The following SPTLC3 variants were observed in gnomAD, a reference collection of about 807,000 sequenced individuals.
SPTLC3 encodes serine palmitoyltransferase long chain base subunit 3.
A neutral mutation model predicts 59.3 loss-of-function variants in SPTLC3; 36 were observed. That is an observed-to-expected ratio of 0.61 (90% CI 0.47 to 0.80). SPTLC3 has a LOEUF of 0.80. Ranked by LOEUF, SPTLC3 falls within the 30% of genes least tolerant of loss-of-function variation. SPTLC3 has a pLI of 0.00. For missense variants in SPTLC3, 625 were observed against 685.1 expected, an observed-to-expected ratio of 0.91 and a Z score of 0.98; for synonymous variants, 257 against 240.8, an observed-to-expected ratio of 1.07 and a Z score of -0.62.
chr20:13,100,532 C>G (rs1287325231), intron 6 of SPTLC3, among the ~76,000 whole-genome samples: 1 of 152,072 alleles, frequency 6.6e-6, no homozygotes, highest in African/African-American at 2.4e-5. Flanking sequence ...GAGTTCAAGA[C>G]CAGCCTGGGC....
intron 4 of SPTLC3, among the ~76,000 whole-genome samples, chr20:13,083,325 TA>T (rs1165071212): frequency 6.6e-6 from 1 of 152,158 alleles, no homozygotes; most frequent in East Asian, 1.9e-4. Flanking sequence ...AATTTGAGTT[TA>T]TTTTAGTGAG....
At chr20:13,016,828 A>G (rs1356581129) in intron 1 of SPTLC3, among the ~76,000 whole-genome samples, 1 of 152,154 alleles carries the variant, frequency 6.6e-6, no homozygotes, top group Non-Finnish European at 1.5e-5. Flanking sequence ...AATAATCTTT[A>G]ACATGTCTTG....
chr20:13,101,508 CTT>C (rs1989599502), intron 6 of SPTLC3, among the ~76,000 whole-genome samples: 1 of 152,122 alleles, frequency 6.6e-6, no homozygotes, highest in African/African-American at 2.4e-5. Context: ...AAAAAGATCT[CTT>C]TGCATTTTCT....
At chr20:13,046,606 T>C (rs1424556718) in intron 1 of SPTLC3, among the ~76,000 whole-genome samples, 1 of 152,164 alleles carries the variant, frequency 6.6e-6, no homozygotes, top group African/African-American at 2.4e-5. Flanking sequence ...GGGTCTTAAC[T>C]GGGCCAGGAA....
intron 1 of SPTLC3, among the ~76,000 whole-genome samples, chr20:13,039,663 A>G (rs1438896478): frequency 3.3e-5 from 5 of 151,986 alleles, no homozygotes; most frequent in South Asian, 2.1e-4. Context: ...TGCCTTCTGT[A>G]TATCTCATGT....
intron 1 of SPTLC3, among the ~76,000 whole-genome samples, chr20:13,038,430 A>T (rs1443551041): frequency 6.6e-6 from 1 of 152,116 alleles, no homozygotes; most frequent in Non-Finnish European, 1.5e-5. Flanking sequence ...TGTCTTTCTT[A>T]GAGTGTCCAT....
intron 5 of SPTLC3, among the ~76,000 whole-genome samples, chr20:13,091,679 C>G (rs1354630459): frequency 1.3e-5 from 2 of 152,056 alleles, no homozygotes; most frequent in Non-Finnish European, 2.9e-5. Context: ...CTTAGTCCAG[C>G]AAATCTTGTC....
Position 13,034,825 on chromosome 20 carries a change from G to A in SPTLC3, c.118-14120G>A, listed in dbSNP as rs947206588. On this transcript the variant is annotated intron_variant, in intron 1 of 11. Transcript: ENST00000399002. Reference sequence around the variant, plus strand: ...ATGCTGTTATAGATGATGGTTGGATGTTAGAGCTAGAGAAAGAGTTGTCTA... The same window carrying A: ...ATGCTGTTATAGATGATGGTTGGATATTAGAGCTAGAGAAAGAGTTGTCTA... Among the ~76,000 whole-genome samples the A allele has an allele frequency of 4.6e-5, 7 of 152,104 alleles. 1 individual carries two copies. The highest frequency in any genetic ancestry group is 4.1e-4 in the South Asian group (2 of 4,830).
intron 11 of SPTLC3, chr20:13,164,478 G>A (rs1434533181): frequency 1.9e-6 from 1 of 531,998 alleles, no homozygotes; most frequent in African/African-American, 1.9e-5. Flanking sequence ...GTAAGCATGG[G>A]TCACATGTTT....
chr20:13,094,664 A>G (rs1989350164), intron 6 of SPTLC3, among the ~76,000 whole-genome samples: 1 of 152,158 alleles, frequency 6.6e-6, no homozygotes, highest in African/African-American at 2.4e-5. Context: ...ATGGGGGAGG[A>G]AAGAAAATGC....
At chr20:13,162,685 C>A (rs1388918186) in intron 11 of SPTLC3, among the ~76,000 whole-genome samples, 1 of 152,154 alleles carries the variant, frequency 6.6e-6, no homozygotes, top group African/African-American at 2.4e-5. Flanking sequence ...GCTCATTCAC[C>A]AATAACAACT....
chr20:13,162,955 T>C (rs2038922695), intron 11 of SPTLC3, among the ~76,000 whole-genome samples: 1 of 152,190 alleles, frequency 6.6e-6, no homozygotes, highest in Non-Finnish European at 1.5e-5. Flanking sequence ...GAGTGTGTTC[T>C]GGGTGGTCTT....
chr20:13,164,384 C>A (rs1451693301), intron 11 of SPTLC3: 1 of 474,474 alleles, frequency 2.1e-6, no homozygotes, highest in Admixed American at 2.3e-5. Flanking sequence ...GAAGATATAA[C>A]TTCAAATGCA....
At chr20:13,030,254 T>G (rs904681868) in intron 1 of SPTLC3, among the ~76,000 whole-genome samples, 1 of 152,208 alleles carries the variant, frequency 6.6e-6, no homozygotes, top group East Asian at 1.9e-4. Context: ...TTCATTCCTG[T>G]GGAATTTAGG....
chr20:13,077,076 C>T (rs1988673959), intron 4 of SPTLC3, among the ~76,000 whole-genome samples: 1 of 152,052 alleles, frequency 6.6e-6, no homozygotes, highest in Admixed American at 6.6e-5. Flanking sequence ...GAGACTTTGA[C>T]TCCTTTATGG....
At chr20:13,089,427 T>TA (rs1374635441) in intron 4 of SPTLC3, among the ~76,000 whole-genome samples, 6 of 152,200 alleles carry the variant, frequency 3.9e-5, no homozygotes, top group African/African-American at 1.4e-4. Context: ...TAAAATCAAT[T>TA]TAATTATACA....
intron 9 of SPTLC3, among the ~76,000 whole-genome samples, chr20:13,144,247 C>T (rs535678979): frequency 1.3e-5 from 2 of 152,274 alleles, no homozygotes. Flanking sequence ...TTATTGGGCA[C>T]TTGATTTTCT....
Position 13,009,065 on chromosome 20 carries a change from G to C in SPTLC3, c.-203G>C, listed in dbSNP as rs575472141. ...TTCACATTTTGACGGGAGTTGAGAA[G>C]TATAAAGGTAACCATTTGTTTTAGT... On this transcript the variant is annotated 5_prime_UTR_variant, in exon 1 of 12. Transcript: ENST00000399002. 5 of 544,054 alleles carry C rather than the reference G, an allele frequency of 9.2e-6. No homozygotes were observed. Among genetic ancestry groups the C allele is most frequent in the Non-Finnish European group, 1.6e-5 (5 of 304,798 alleles). The allele number at this position is 544,054 out of a possible 1,614,324, so 33.7% of individuals were successfully genotyped here. A position where few individuals can be genotyped will look rare whatever the true frequency, so the allele number is the denominator to read the frequency against.
chr20:13,096,677 T>G (rs1293258872), intron 6 of SPTLC3, among the ~76,000 whole-genome samples: 1 of 152,072 alleles, frequency 6.6e-6, no homozygotes, highest in Non-Finnish European at 1.5e-5. Flanking sequence ...TAAAAGAACT[T>G]TCTGGGGCAA....
Sources: allele counts gnomAD v4.1 joint callset (sites outside exome capture counted in the v4.1 genomes callset), GRCh38; gene constraint gnomAD v4.1.1; transcripts MANE v1.5; gene names NCBI Gene and HGNC (gene_info 2026-07-23, HGNC 2026-07-21).